The following DDA1 variants were observed in gnomAD, a reference collection of about 807,000 sequenced individuals.
DDA1 encodes the protein DET1- and DDB1-associated protein 1.
Under a neutral mutation model 18.6 loss-of-function variants are expected in DDA1, and 3 were observed. The observed-to-expected ratio is 0.16, with a 90% CI of 0.07 to 0.42. The LOEUF is 0.42. DDA1 is among the 10% of genes least tolerant of loss of function. The pLI is 0.99. For synonymous variants in DDA1, 52 were observed against 54.0 expected, an observed-to-expected ratio of 0.96 and a Z score of 0.17; for missense variants, 105 against 138.2, an observed-to-expected ratio of 0.76 and a Z score of 1.20.
chr19:17,319,818 C>T lies in DDA1; in HGVS notation c.*162C>T. The T allele has an allele frequency of 1.6e-6, 1 of 608,660 alleles. No homozygotes were observed. The highest frequency in any genetic ancestry group is 2.9e-6 in the Non-Finnish European group (1 of 346,744). The allele number at this position is 608,660 out of a possible 1,614,324, so 37.7% of individuals were successfully genotyped here. A position where few individuals can be genotyped will look rare whatever the true frequency, so the allele number is the denominator to read the frequency against. Reference sequence around the variant, plus strand: ...TCATAGGAGCCGATGTATTTATTTTCCTTGAGTTTTTATTTATGCTGTAAC... The same window carrying T: ...TCATAGGAGCCGATGTATTTATTTTTCTTGAGTTTTTATTTATGCTGTAAC... On this transcript the variant is annotated 3_prime_UTR_variant, in exon 5 of 5. Transcript: ENST00000359866.
chr19:17,313,400 C>T (rs928441792), intron 1 of DDA1, among the ~76,000 whole-genome samples: 1 of 150,734 alleles, frequency 6.6e-6, no homozygotes, highest in Non-Finnish European at 1.5e-5. Context: ...TGGCCCACTC[C>T]AGACCTCACT....
At chr19:17,311,044 T>A (rs1389547928) in intron 1 of DDA1, among the ~76,000 whole-genome samples, 2 of 152,086 alleles carry the variant, frequency 1.3e-5, no homozygotes, top group Non-Finnish European at 2.9e-5. Context: ...TTTGGAGAGA[T>A]GGGGATTCCC....
chr19:17,319,453 C>A, intron 4 of DDA1, 93 bp from the exon 5 acceptor site: 1 of 1,063,754 alleles, frequency 9.4e-7, no homozygotes, highest in Non-Finnish European at 1.4e-6. Context: ...CTAGCTACTC[C>A]AGAGGCTGAG....
Position 17,314,529 on chromosome 19 carries a change from C to A in DDA1, c.136+140C>A. The A allele has an allele frequency of 8.5e-7, 1 of 1,170,614 alleles. No individual in the cohort carries two copies. Among genetic ancestry groups the A allele is most frequent in the Non-Finnish European group, 1.2e-6 (1 of 816,914 alleles). The allele number at this position is 1,170,614 out of a possible 1,614,324, so 72.5% of individuals were successfully genotyped here. On this transcript the variant is annotated intron_variant, in intron 3 of 4. Transcript: ENST00000359866. The surrounding 1 kb of genome is among the most constrained non-coding windows in gnomAD (Gnocchi z 4.6). Reference sequence around the variant, plus strand: ...TGGGTTCACACGCTGTCTACTGAATCCAGTTAAGTCAGGGAGGGCCTCCAG... The same window carrying A: ...TGGGTTCACACGCTGTCTACTGAATACAGTTAAGTCAGGGAGGGCCTCCAG...
At chr19:17,318,151 C>G (rs752175547) in intron 4 of DDA1, among the ~76,000 whole-genome samples, 25 of 152,188 alleles carry the variant, frequency 1.6e-4, no homozygotes, top group Non-Finnish European at 2.8e-4. Flanking sequence ...CTCCCAGGTT[C>G]AAGCAATTCT....
At chr19:17,315,183 G>A (rs12982624) in intron 3 of DDA1, among the ~76,000 whole-genome samples, 564 of 23,428 alleles carry the variant, frequency 0.024, 65 homozygotes, top group African/African-American at 0.061. Context: ...ACACACACGT[G>A]TATACACACA....
Position 17,314,150 on chromosome 19 carries a change from G to C in DDA1, c.84+47G>C. 1 of 1,598,400 alleles carries C rather than the reference G, an allele frequency of 6.3e-7. No individual in the cohort carries two copies. The highest frequency in any genetic ancestry group is 1.1e-5 in the South Asian group (1 of 90,758). On this transcript the variant is annotated intron_variant, in intron 2 of 4. Coordinates refer to ENST00000359866, the MANE Select transcript of DDA1 (RefSeq NM_024050.6). The surrounding 1 kb of genome is among the most constrained non-coding windows in gnomAD (Gnocchi z 4.6). ...TGGGAGGAATTGGTCACTTCCAGGG[G>C]GCCTGGGGGCAGCTTGTGTCCCCCG...
At chr19:17,315,166 T>TATATACACACAC (rs2074198603) in intron 3 of DDA1, among the ~76,000 whole-genome samples, 2 of 63,460 alleles carry the variant, frequency 3.2e-5, no homozygotes, top group African/African-American at 2.2e-4. Context: ...TATACACACG[T>TATATACACACAC]GTATATACAC....
chr19:17,312,315 A>G (rs1032814582), intron 1 of DDA1, among the ~76,000 whole-genome samples: 1 of 152,076 alleles, frequency 6.6e-6, no homozygotes, highest in African/African-American at 2.4e-5. Flanking sequence ...AGGGAGGTGG[A>G]CATGTAAGCA....
chr19:17,315,334 CG>C (rs58708628), intron 3 of DDA1, among the ~76,000 whole-genome samples: 30 of 47,544 alleles, frequency 6.3e-4, no homozygotes, highest in Middle Eastern at 0.01. Context: ...TATATACACA[CG>C]TATATATATA....
intron 4 of DDA1, among the ~76,000 whole-genome samples, chr19:17,316,612 C>T (rs997797861): frequency 3.3e-5 from 5 of 149,754 alleles, no homozygotes; most frequent in East Asian, 2.0e-4. Flanking sequence ...AGGTGGCTCA[C>T]GCCTGTAATC....
intron 3 of DDA1, among the ~76,000 whole-genome samples, chr19:17,315,433 T>TGTGC (rs750475099): frequency 2.7e-5 from 3 of 111,058 alleles, no homozygotes; most frequent in Non-Finnish European, 6.0e-5. Flanking sequence ...TGTGTGCATA[T>TGTGC]ATATATATAT....
At position 17,320,407 on chromosome 19, in the gene DDA1, C is replaced by T. The variant is rs2074234566; in HGVS notation, c.*751C>T. On this transcript the variant is annotated 3_prime_UTR_variant, in exon 5 of 5. Coordinates refer to ENST00000359866, the MANE Select transcript of DDA1 (RefSeq NM_024050.6). ...GCCCCCCACGCCAGGGGCCCCAGGA[C>T]CGGCTGGATTCTCTCGTGGGCTTGC... is the stretch of plus-strand genomic sequence containing the variant. 1 of 152,262 alleles carries T rather than the reference C, an allele frequency of 6.6e-6. No individual in the cohort carries two copies. Among genetic ancestry groups the T allele is most frequent in the Non-Finnish European group, 1.5e-5 (1 of 68,086 alleles). 9.4% of individuals were successfully genotyped at this position (152,262 alleles called of 1,614,324 possible). A position where few individuals can be genotyped will look rare whatever the true frequency, so the allele number is the denominator to read the frequency against.
chr19:17,319,676 G>C lies in DDA1; in HGVS notation c.*20G>C. 6.5e-7 allele frequency: 1 copy of C among 1,550,070 alleles called. No individual in the cohort carries two copies. Among genetic ancestry groups the C allele is most frequent in the Non-Finnish European group, 8.7e-7 (1 of 1,145,630 alleles). ...ACTTAAGACTCTCAACTCCACAGGC[G>C]CCTCCTGCCAGGTCTGCTCCTCGGT... On this transcript the variant is annotated 3_prime_UTR_variant, in exon 5 of 5. Transcript: ENST00000359866.
At chr19:17,319,473 T>G (rs2074228946) in intron 4 of DDA1, 73 bp from the exon 5 acceptor site, 3 of 1,298,500 alleles carry the variant, frequency 2.3e-6, no homozygotes, top group Non-Finnish European at 3.3e-6. Context: ...GCTGGGAGGA[T>G]TGCTTGAGCC....
At chr19:17,317,778 G>A (rs2074221009) in intron 4 of DDA1, among the ~76,000 whole-genome samples, 8 of 150,998 alleles carry the variant, frequency 5.3e-5, no homozygotes, top group Admixed American at 5.3e-4. Context: ...GGTTGAGGCT[G>A]CAGTGAATCA....
At position 17,319,787 on chromosome 19, in the gene DDA1, C is replaced by A; in HGVS notation, c.*131C>A. On this transcript the variant is annotated 3_prime_UTR_variant, in exon 5 of 5. Coordinates refer to ENST00000359866, the MANE Select transcript of DDA1 (RefSeq NM_024050.6). ...TCCACACCCTGCGTCCACACCACTTCCAACCTCATAGGAGCCGATGTATTT... is the reference window on the plus strand; with the variant it reads ...TCCACACCCTGCGTCCACACCACTTACAACCTCATAGGAGCCGATGTATTT... 1.5e-6 allele frequency: 1 copy of A among 670,814 alleles called. No homozygotes were observed. The highest frequency in any genetic ancestry group is 2.7e-4 in the Middle Eastern group (1 of 3,664). The allele number at this position is 670,814 out of a possible 1,614,324, so 41.6% of individuals were successfully genotyped here.
intron 4 of DDA1, among the ~76,000 whole-genome samples, chr19:17,318,302 G>A (rs1459556759): frequency 1.3e-5 from 2 of 152,100 alleles, no homozygotes; most frequent in African/African-American, 4.8e-5. Flanking sequence ...CGCGATCTTG[G>A]CTCACTGTAA....
chr19:17,315,207 G>A (rs574501028), intron 3 of DDA1, among the ~76,000 whole-genome samples: 2 of 16,682 alleles, frequency 1.2e-4, no homozygotes, highest in African/African-American at 3.8e-4. Context: ...GTATACACAC[G>A]TGTATATACA....
Sources: allele counts gnomAD v4.1 joint callset (sites outside exome capture counted in the v4.1 genomes callset), GRCh38; gene constraint gnomAD v4.1.1; non-coding constraint Gnocchi (gnomAD v3.1); transcripts MANE v1.5; gene names NCBI Gene and HGNC (gene_info 2026-07-23, HGNC 2026-07-21).